SLCO4A1: variants seen among roughly 807,000 people sequenced by gnomAD.
SLCO4A1 encodes the protein colon organic anion transporter.
SLCO4A1 carries 51 observed loss-of-function variants against 64.6 expected under a neutral mutation model. The ratio of observed to expected loss-of-function variants is 0.79; its 90% CI spans 0.63 to 1.00. The LOEUF (loss-of-function observed/expected upper bound fraction) is 1.00, where lower values mean the gene tolerates loss of function less well. SLCO4A1 is among the 50% of genes least tolerant of loss of function. The probability of loss-of-function intolerance (pLI) is 0.00; values close to 1 mark genes in which losing one functional copy is unlikely to be tolerated. For missense variants in SLCO4A1, 919 were observed against 980.5 expected (o/e 0.94, Z 0.84); for synonymous variants, 471 against 444.9 (o/e 1.06, Z -0.74).
intron 4 of SLCO4A1, 134 bp from the exon 5 acceptor site, chr20:62,660,930 G>C (rs1228521747): frequency 3.1e-6 from 2 of 649,570 alleles, no homozygotes; most frequent in African/African-American, 3.6e-5. Context: ...GGGGCTGCGA[G>C]GGCTGCAGGG....
Position 62,660,446 on chromosome 20 carries a change from G to A in SLCO4A1, c.922G>A (p.Gly308Ser), listed in dbSNP as rs1466199594. ...ELTTESPLWV[G>S]AWWVGFLGSG... ...GACCACCGAGAGCCCACTGTGGGTC[G>A]GCGCCTGGTGGGTCGGCTTCCTGGG... The change falls in exon 4 of 12, where the codon GGC (glycine) becomes AGC (serine). Residue 308 changes from glycine (G) to serine (S), a missense_variant. Coordinates refer to ENST00000217159, the MANE Select transcript of SLCO4A1 (RefSeq NM_016354.4). 3.1e-6 allele frequency: 5 copies of A among 1,600,432 alleles called. No homozygotes were observed. Among genetic ancestry groups the A allele is most frequent in the South Asian group, 1.1e-5 (1 of 91,066 alleles).
chr20:62,661,030 G>GCCCCCAGCCCCCAA lies in SLCO4A1; in HGVS notation c.1010-23_1010-22insCAACCCCCAGCCCC. 1 of 518,136 alleles carries GCCCCCAGCCCCCAA rather than the reference G, an allele frequency of 1.9e-6. No individual in the cohort carries two copies. The highest frequency in any genetic ancestry group is 1.5e-5 in the South Asian group (1 of 68,816). The allele number at this position is 518,136 out of a possible 1,614,324, so 32.1% of individuals were successfully genotyped here. A position where few individuals can be genotyped will look rare whatever the true frequency, so the allele number is the denominator to read the frequency against. On this transcript the variant is annotated intron_variant, in intron 4 of 11. Coordinates refer to ENST00000217159, the MANE Select transcript of SLCO4A1 (RefSeq NM_016354.4). The surrounding 1 kb of genome is among the most constrained non-coding windows in gnomAD (Gnocchi z 5.2). ...AGAAGTCCACCTCCGGGAGCCCCCAGCCCCCAGCCCCAGCTCACTCTGTGC... is the reference window on the plus strand; with the variant it reads ...AGAAGTCCACCTCCGGGAGCCCCCAGCCCCCAGCCCCCAACCCCCAGCCCCAGCTCACTCTGTGC...
chr20:62,685,409 T>C lies in SLCO4A1; in HGVS notation n.212-32T>C. ...GCTGTGGCCTGACCAAGCGGGCTGT[T>C]TTCTTGCTTTGTTTGTTGTTTTTTT... On this transcript the variant is annotated intron_variant and non_coding_transcript_variant, in intron 2 of 2. Transcript: ENST00000466818. The surrounding 1 kb of genome is among the most constrained non-coding windows in gnomAD (Gnocchi z 4.6). 1.0e-6 allele frequency: 1 copy of C among 984,014 alleles called. No individual in the cohort carries two copies. The highest frequency in any genetic ancestry group is 4.7e-5 in the South Asian group (1 of 21,272). 61.0% of individuals were successfully genotyped at this position (984,014 alleles called of 1,614,324 possible).
At chr20:62,662,466 A>G (rs906315208) in intron 5 of SLCO4A1, among the ~76,000 whole-genome samples, 2 of 152,182 alleles carry the variant, frequency 1.3e-5, no homozygotes, top group Non-Finnish European at 2.9e-5. Context: ...CTTTCAGTTC[A>G]TCAGGTGATA....
intron 2 of SLCO4A1, among the ~76,000 whole-genome samples, chr20:62,683,824 C>A (rs1417361661): frequency 6.6e-6 from 1 of 152,338 alleles, no homozygotes; most frequent in South Asian, 2.1e-4. Flanking sequence ...AGTGATGCAA[C>A]GCTGCACCGG....
At chr20:62,675,007 G>A (rs377376895), downstream of SLCO4A1, among the ~76,000 whole-genome samples, 1 of 152,132 alleles carries the variant, frequency 6.6e-6, no homozygotes, top group Non-Finnish European at 1.5e-5. Context: ...GTAGAGTTTC[G>A]ACTCCGGTCT....
chr20:62,671,283 C>G (rs1182943037), intron 11 of SLCO4A1, among the ~76,000 whole-genome samples: 1 of 152,098 alleles, frequency 6.6e-6, no homozygotes, highest in East Asian at 1.9e-4. Flanking sequence ...GCAGGGCGGG[C>G]TCCTTCCGCC....
At chr20:62,646,165 C>A (rs1466856398) in intron 1 of SLCO4A1, among the ~76,000 whole-genome samples, 4 of 152,136 alleles carry the variant, frequency 2.6e-5, no homozygotes, top group African/African-American at 9.7e-5. Flanking sequence ...AGGTTTGAGC[C>A]CCTTTGCTGG....
At chr20:62,664,267 G>A (rs1398276475) in intron 5 of SLCO4A1, among the ~76,000 whole-genome samples, 1 of 152,142 alleles carries the variant, frequency 6.6e-6, no homozygotes, top group Admixed American at 6.5e-5. Context: ...ACCACCCCCA[G>A]GGCCACTGGC....
At chr20:62,673,588 T>G (rs1285004985), downstream of SLCO4A1, among the ~76,000 whole-genome samples, 1 of 143,068 alleles carries the variant, frequency 7.0e-6, no homozygotes, top group African/African-American at 2.5e-5. Flanking sequence ...CTGACCAGGT[T>G]ATAAGAGACC....
Position 62,668,987 on chromosome 20 carries a change from G to GGCAGGACCAGTGTGGCCA in SLCO4A1, c.1940_1957dup (p.Asp647_Gln652dup), listed in dbSNP as rs754070398. The GGCAGGACCAGTGTGGCCA allele has an allele frequency of 2.5e-6, 4 of 1,610,288 alleles. No individual in the cohort carries two copies. The African/African-American group carries it at 5.3e-5, about 21-fold the overall frequency. On this transcript the variant is annotated inframe_insertion, in exon 11 of 12. Coordinates refer to ENST00000217159, the MANE Select transcript of SLCO4A1 (RefSeq NM_016354.4). Reference sequence around the variant, plus strand: ...GTGATCGACAAGGCCTGTCTGCTGTGGCAGGACCAGTGTGGCCAGCAGGGC... The same window carrying GGCAGGACCAGTGTGGCCA: ...GTGATCGACAAGGCCTGTCTGCTGTGGCAGGACCAGTGTGGCCAGCAGGACCAGTGTGGCCAGCAGGGC...
At chr20:62,664,909 TCTC>T (rs1985804755) in intron 5 of SLCO4A1, 22 bp from the exon 6 acceptor site, 1 of 1,567,114 alleles carries the variant, frequency 6.4e-7, no homozygotes, top group South Asian at 1.2e-5. Flanking sequence ...CTCAGTCTCT[TCTC>T]CACACCCCCA....
Position 62,656,385 on chromosome 20 carries a change from T to G in SLCO4A1, c.-70T>G. The G allele has an allele frequency of 3.0e-6, 4 of 1,349,570 alleles. No homozygotes were observed. Among genetic ancestry groups the G allele is most frequent in the Non-Finnish European group, 3.9e-6 (4 of 1,018,518 alleles). 83.6% of individuals were successfully genotyped at this position (1,349,570 alleles called of 1,614,324 possible). On this transcript the variant is annotated 5_prime_UTR_variant, in exon 2 of 12. Coordinates refer to ENST00000217159, the MANE Select transcript of SLCO4A1 (RefSeq NM_016354.4). ...ACACACCAGCCCCTCGGATACCACTTGGCCACTCCCGCTGAGGCCACTCCC... is the reference window on the plus strand; with the variant it reads ...ACACACCAGCCCCTCGGATACCACTGGGCCACTCCCGCTGAGGCCACTCCC...
chr20:62,679,403 C>T (rs909303496), intron 2 of SLCO4A1, among the ~76,000 whole-genome samples: 8 of 152,006 alleles, frequency 5.3e-5, no homozygotes, highest in Admixed American at 5.2e-4. Flanking sequence ...CCTCAGCCAC[C>T]CAGCTTGGAG....
intron 2 of SLCO4A1, among the ~76,000 whole-genome samples, chr20:62,683,773 G>A (rs1308110235): frequency 1.3e-5 from 2 of 152,216 alleles, no homozygotes; most frequent in African/African-American, 2.4e-5. Flanking sequence ...TGCGGTGTTC[G>A]CAACCAAACA....
chr20:62,662,133 G>A (rs1325997707), intron 5 of SLCO4A1, among the ~76,000 whole-genome samples: 3 of 152,196 alleles, frequency 2.0e-5, no homozygotes, highest in African/African-American at 7.2e-5. Flanking sequence ...TAGGAGGGAA[G>A]GCATCAGGGC....
chr20:62,663,963 G>A (rs1985578807), intron 5 of SLCO4A1, among the ~76,000 whole-genome samples: 1 of 152,168 alleles, frequency 6.6e-6, no homozygotes, highest in Non-Finnish European at 1.5e-5. Context: ...GGCCTCCAAT[G>A]CTAACAAAAA....
intron 5 of SLCO4A1, among the ~76,000 whole-genome samples, chr20:62,664,025 C>T (rs576381832): frequency 5.9e-5 from 9 of 152,296 alleles, no homozygotes; most frequent in South Asian, 2.1e-4. Flanking sequence ...GGACAGGCAG[C>T]CCCGACGCAC....
intron 2 of SLCO4A1, among the ~76,000 whole-genome samples, chr20:62,678,365 G>A (rs962342182): frequency 6.6e-6 from 1 of 152,110 alleles, no homozygotes; most frequent in African/African-American, 2.4e-5. Context: ...ACACTCACCC[G>A]TCGCCGGTAG....
Sources: gnomAD v4.1 joint callset for allele counts (sites outside exome capture counted in the v4.1 genomes callset) on GRCh38, gnomAD v4.1.1 for gene constraint, Gnocchi (gnomAD v3.1) non-coding constraint, MANE v1.5 for transcripts, NCBI Gene and HGNC (gene_info 2026-07-23, HGNC 2026-07-21) for gene names.